Variants in COL24A1 observed in about 807,000 individuals in gnomAD.
The protein encoded by COL24A1 is collagen alpha-1(XXIV) chain.
Under a neutral mutation model 253.9 loss-of-function variants are expected in COL24A1, and 224 were observed. That is an observed-to-expected ratio of 0.88 (90% confidence interval 0.79 to 0.99). The LOEUF is 0.99. COL24A1 is among the 50% of genes least tolerant of loss of function. The probability of loss-of-function intolerance (pLI) is 0.00; values close to 1 mark genes in which losing one functional copy is unlikely to be tolerated. For missense variants in COL24A1, 2,131 were observed against 2,068.5 expected (o/e 1.03, Z -0.59); for synonymous variants, 685 against 673.7 (o/e 1.02, Z -0.26).
chr1:85,920,500 T>C (rs1037659293), intron 24 of COL24A1, among the ~76,000 whole-genome samples: 1 of 152,200 alleles, frequency 6.6e-6, no homozygotes, highest in East Asian at 1.9e-4. Flanking sequence ...GTGTTTGTGG[T>C]ATCTGCAGAA....
chr1:85,772,342 C>A (rs1668071444), intron 53 of COL24A1, among the ~76,000 whole-genome samples: 1 of 151,552 alleles, frequency 6.6e-6, no homozygotes, highest in South Asian at 2.1e-4. Flanking sequence ...AATAGGAACA[C>A]TTTTACACTG....
rs1239916352 is a variant in COL24A1 at position 85,761,625 on chromosome 1, C to G, written c.4375-59G>C. On this transcript the variant is annotated intron_variant, in intron 53 of 59. Coordinates refer to ENST00000370571, the MANE Select transcript of COL24A1 (RefSeq NM_152890.7). ...TATTATACTTTTGGTTGGGTATAAG[C>G]AAGATAACTAATATTCAACCTCTGT... 2.6e-6 allele frequency: 4 copies of G among 1,542,990 alleles called. No homozygotes were observed. In the African/African-American group the frequency reaches 5.5e-5, roughly 21 times the overall value.
rs1342242475 is a variant in COL24A1, at chr1:85,913,673, T to C, written c.2563-2240A>G. ...CTATGTTGCTTAATTCTGCCTTCCA[T>C]AGGGAAATGGGACCTTCACAATGGA... On this transcript the variant is annotated intron_variant, in intron 24 of 59. Coordinates refer to ENST00000370571, the MANE Select transcript of COL24A1 (RefSeq NM_152890.7). Among the ~76,000 whole-genome samples the C allele has an allele frequency of 2.6e-5, 4 of 152,268 alleles. No homozygotes were observed. In the East Asian group the frequency reaches 5.8e-4, roughly 22 times the overall value.
intron 20 of COL24A1, among the ~76,000 whole-genome samples, chr1:85,976,771 CT>C (rs902768954): frequency 7.2e-5 from 11 of 152,128 alleles, no homozygotes; most frequent in African/African-American, 2.2e-4. Context: ...CAAAATAACC[CT>C]ACTCCAAGGA....
At chr1:86,057,201 G>T (rs1161076104) in intron 10 of COL24A1, among the ~76,000 whole-genome samples, 3 of 151,962 alleles carry the variant, frequency 2.0e-5, no homozygotes, top group Non-Finnish European at 4.4e-5. Flanking sequence ...GGGACCTTCC[G>T]TTTTTCTCTC....
At position 86,016,644 on chromosome 1, in the gene COL24A1, G is replaced by A. The variant is rs570476411; in HGVS notation, c.2310+507C>T. On this transcript the variant is annotated intron_variant, in intron 19 of 59. Transcript: ENST00000370571. ...AAAATCCAAATGTTTTATCTCAGAAGCTTATGTTCTATATAGACTTTTAGA... is the reference window on the plus strand; with the variant it reads ...AAAATCCAAATGTTTTATCTCAGAAACTTATGTTCTATATAGACTTTTAGA... 2.0e-5 allele frequency among the ~76,000 whole-genome samples: 3 copies of A among 152,218 alleles called. No homozygotes were observed. The South Asian group carries it at 6.2e-4, about 32-fold the overall frequency.
At chr1:85,832,706 C>T (rs954848959) in intron 43 of COL24A1, among the ~76,000 whole-genome samples, 11 of 151,278 alleles carry the variant, frequency 7.3e-5, no homozygotes, top group African/African-American at 2.7e-4. Flanking sequence ...TGGGAGTTCA[C>T]TCATGATTTG....
intron 55 of COL24A1, among the ~76,000 whole-genome samples, chr1:85,758,829 A>G (rs940792283): frequency 1.3e-5 from 2 of 152,152 alleles, no homozygotes; most frequent in Non-Finnish European, 2.9e-5. Context: ...AAATTGAGGT[A>G]AAATTTATAT....
At chr1:85,938,156 A>G (rs1046015980) in intron 24 of COL24A1, among the ~76,000 whole-genome samples, 2 of 147,492 alleles carry the variant, frequency 1.4e-5, no homozygotes, top group African/African-American at 2.5e-5. Context: ...ACTCAAAGAC[A>G]TTTATATGGT....
chr1:85,933,375 CA>C (rs1191965027), intron 24 of COL24A1, among the ~76,000 whole-genome samples: 5 of 149,812 alleles, frequency 3.3e-5, no homozygotes, highest in African/African-American at 1.2e-4. Flanking sequence ...TTTTTTTTAA[CA>C]CACTATTATT....
intron 1 of COL24A1, among the ~76,000 whole-genome samples, chr1:86,153,058 T>A (rs1002876397): frequency 5.3e-5 from 8 of 152,190 alleles, no homozygotes; most frequent in Non-Finnish European, 1.2e-4. Context: ...CAACTTCATT[T>A]CTTTCAGGCC....
At chr1:86,039,466 C>A (rs778034073) in intron 12 of COL24A1, among the ~76,000 whole-genome samples, 1 of 151,942 alleles carries the variant, frequency 6.6e-6, no homozygotes, top group Admixed American at 6.6e-5. Context: ...ACCAAGATAA[C>A]CATAAAATGG....
intron 24 of COL24A1, among the ~76,000 whole-genome samples, chr1:85,921,133 C>T (rs111326326): frequency 0.012 from 1,821 of 152,200 alleles, 29 homozygotes; most frequent in African/African-American, 0.041. Flanking sequence ...GGTGGGGCAT[C>T]GCCTCACCTG....
intron 24 of COL24A1, among the ~76,000 whole-genome samples, chr1:85,923,673 G>A (rs553379532): frequency 1.1e-4 from 17 of 152,320 alleles, no homozygotes; most frequent in Admixed American, 9.8e-4. Context: ...TAAAAGCAGT[G>A]TGTAGAGGGA....
At chr1:85,800,647 T>C (rs1261366392) in intron 47 of COL24A1, among the ~76,000 whole-genome samples, 1 of 152,170 alleles carries the variant, frequency 6.6e-6, no homozygotes, top group African/African-American at 2.4e-5. Context: ...ACATCTGCTG[T>C]TGGACATTGA....
intron 52 of COL24A1, among the ~76,000 whole-genome samples, chr1:85,778,864 A>G (rs1202657307): frequency 1.3e-5 from 2 of 152,128 alleles, no homozygotes; most frequent in East Asian, 1.9e-4. Context: ...TCGGCCTCCC[A>G]AAGTGCTGGG....
At chr1:85,868,174 T>G (rs186728171) in intron 37 of COL24A1, among the ~76,000 whole-genome samples, 5 of 152,314 alleles carry the variant, frequency 3.3e-5, no homozygotes, top group African/African-American at 1.2e-4. Flanking sequence ...AAGAATTTCT[T>G]GTTTCATCCT....
chr1:85,811,807 G>T (rs1489723641), intron 47 of COL24A1, among the ~76,000 whole-genome samples: 1 of 152,156 alleles, frequency 6.6e-6, no homozygotes, highest in Non-Finnish European at 1.5e-5. Context: ...GTTTTGAGTG[G>T]ACCCTGAAGT....
intron 10 of COL24A1, among the ~76,000 whole-genome samples, chr1:86,051,989 G>T (rs2101690445): frequency 6.6e-6 from 1 of 152,172 alleles, no homozygotes; most frequent in South Asian, 2.1e-4. Context: ...CTGAAGGACA[G>T]ATATGTCTGA....
Sources: allele counts gnomAD v4.1 joint callset (sites outside exome capture counted in the v4.1 genomes callset), GRCh38; gene constraint gnomAD v4.1.1; transcripts MANE v1.5; gene names NCBI Gene and HGNC (gene_info 2026-07-23, HGNC 2026-07-21).